Variants in PMS1 observed in about 807,000 individuals in gnomAD.
PMS1 encodes PMS1 protein homolog 1.
PMS1 carries 79 observed loss-of-function variants against 93.1 expected under a neutral mutation model. That is an observed-to-expected ratio of 0.85 (90% CI 0.71 to 1.02). PMS1 has a LOEUF of 1.02. Among genes scored for constraint, PMS1 ranks in the 50% least tolerant of loss-of-function variants. The pLI is 0.00. For synonymous variants in PMS1, 335 were observed against 363.4 expected (o/e 0.92, Z 0.89); for missense variants, 1,064 against 1,085.3 (o/e 0.98, Z 0.28).
intron 11 of PMS1, among the ~76,000 whole-genome samples, chr2:189,872,527 A>C (rs1197899500): frequency 6.6e-6 from 1 of 152,222 alleles, no homozygotes; most frequent in Non-Finnish European, 1.5e-5. Context: ...GCTATGTTCC[A>C]AAAATATGCA....
At chr2:189,868,655 A>G (rs1157896112) in intron 11 of PMS1, among the ~76,000 whole-genome samples, 4 of 152,196 alleles carry the variant, frequency 2.6e-5, no homozygotes, top group Non-Finnish European at 5.9e-5. Context: ...TGCCCAAAGT[A>G]TAGAAAAACA....
intron 3 of PMS1, among the ~76,000 whole-genome samples, chr2:189,805,004 A>C (rs1402337563): frequency 6.6e-6 from 1 of 152,162 alleles, no homozygotes; most frequent in Non-Finnish European, 1.5e-5. Context: ...AAGAGGGCAG[A>C]CACTTCAAAA....
chr2:189,806,836 T>TAA (rs1377127242), intron 4 of PMS1: 3 of 211,398 alleles, frequency 1.4e-5, no homozygotes, highest in African/African-American at 6.8e-5. Flanking sequence ...ATTAAAGCTA[T>TAA]TACCTCTTTA....
At chr2:189,797,684 G>A (rs1449694072) in intron 3 of PMS1, among the ~76,000 whole-genome samples, 1 of 152,070 alleles carries the variant, frequency 6.6e-6, no homozygotes, top group African/African-American at 2.4e-5. Context: ...CTTCATACTT[G>A]TTGTTCTGGA....
chr2:189,855,794 C>T, intron 9 of PMS1: 1 of 551,704 alleles, frequency 1.8e-6, no homozygotes, highest in Non-Finnish European at 2.7e-6. Flanking sequence ...ATAAATGTTC[C>T]AAAATAATAT....
chr2:189,829,256 A>G (rs895805833), intron 5 of PMS1, among the ~76,000 whole-genome samples: 13 of 152,176 alleles, frequency 8.5e-5, no homozygotes, highest in Non-Finnish European at 1.9e-4. Flanking sequence ...AAGATGTGAA[A>G]GTGTGTAAAC....
chr2:189,875,478 C>T (rs148864909), intron 12 of PMS1, among the ~76,000 whole-genome samples: 1 of 152,084 alleles, frequency 6.6e-6, no homozygotes. Context: ...AGTGGACCCA[C>T]ACAGTTAAAA....
chr2:189,822,630 T>G (rs1422329232), intron 5 of PMS1, among the ~76,000 whole-genome samples: 1 of 152,198 alleles, frequency 6.6e-6, no homozygotes, highest in African/African-American at 2.4e-5. Context: ...CATCCATTCC[T>G]GTGCTAAGAG....
chr2:189,849,914 T>G (rs1369519886), intron 6 of PMS1, among the ~76,000 whole-genome samples: 1 of 145,728 alleles, frequency 6.9e-6, no homozygotes, highest in African/African-American at 2.7e-5. Context: ...TGAGCCCCCT[T>G]TTTTAAATGG....
intron 2 of PMS1, among the ~76,000 whole-genome samples, chr2:189,794,207 G>A (rs989991166): frequency 1.3e-5 from 2 of 152,136 alleles, no homozygotes; most frequent in Admixed American, 1.3e-4. Context: ...CCGTCTCCCG[G>A]TCTCAAGCGA....
intron 9 of PMS1, 34 bp from the exon 10 acceptor site, chr2:189,863,709 G>A (rs778472757): frequency 4.8e-6 from 7 of 1,462,972 alleles, no homozygotes; most frequent in Middle Eastern, 3.5e-4. Context: ...TTCTGATTAT[G>A]ATCTCATTAG....
intron 5 of PMS1, among the ~76,000 whole-genome samples, chr2:189,836,246 G>A (rs1459806882): frequency 1.3e-5 from 2 of 152,144 alleles, no homozygotes; most frequent in African/African-American, 4.8e-5. Flanking sequence ...GTAGGAATTA[G>A]GGGCAAGATA....
In PMS1 at chr2:189,818,187, AT is replaced by A; in HGVS notation, c.582+9del. ...TGTCTTTGTACATAACAAGGTAAAC[AT>A]TATTTTATCTTTATAAGTTTCTGGG... is the stretch of plus-strand genomic sequence containing the variant. On this transcript the variant is annotated splice_region_variant and intron_variant, in intron 5 of 12. Coordinates refer to ENST00000441310, the MANE Select transcript of PMS1 (RefSeq NM_000534.5). 6.5e-7 allele frequency: 1 copy of A among 1,547,128 alleles called. No individual in the cohort carries two copies. The highest frequency in any genetic ancestry group is 1.1e-5 in the South Asian group (1 of 89,172).
rs1401203352 is a variant in PMS1, at chr2:189,867,782, CA to C, written c.2343-16del. 1 of 1,542,038 alleles carries C rather than the reference CA, an allele frequency of 6.5e-7. No individual in the cohort carries two copies. Among genetic ancestry groups the C allele is most frequent in the Admixed American group, 1.7e-5 (1 of 59,700 alleles). Reference sequence around the variant, plus strand: ...TTGTGTTTTTAATAAGTTAAAGGGCCATAATTTCTTTTTCAGTCTTTTTAAT... The same window carrying C: ...TTGTGTTTTTAATAAGTTAAAGGGCCTAATTTCTTTTTCAGTCTTTTTAAT... On this transcript the variant is annotated splice_polypyrimidine_tract_variant and intron_variant, in intron 10 of 12. Transcript: ENST00000441310.
In PMS1 at chr2:189,854,445, A is replaced by T; in HGVS notation, c.1173A>T (p.Gln391His). 6.2e-7 allele frequency: 1 copy of T among 1,610,656 alleles called. No homozygotes were observed. Among genetic ancestry groups the T allele is most frequent in the South Asian group, 1.1e-5 (1 of 90,776 alleles). Reference protein sequence around the residue: ...SNVDTSVIPFQNDMHNDESGK... With the variant: ...SNVDTSVIPFHNDMHNDESGK... Reference sequence around the variant, plus strand: ...TTGATACTTCAGTCATTCCATTCCAAAATGATATGCATAATGATGAATCTG... The same window carrying T: ...TTGATACTTCAGTCATTCCATTCCATAATGATATGCATAATGATGAATCTG... The change falls in exon 9 of 13, where the codon CAA becomes CAT. Residue 391 changes from glutamine (Q) to histidine (H), a missense_variant. By Grantham distance (24) the Gln-to-His change is conservative (BLOSUM62 0). Transcript: ENST00000441310.
At chr2:189,816,753 T>C (rs1169265844) in intron 4 of PMS1, among the ~76,000 whole-genome samples, 1 of 152,206 alleles carries the variant, frequency 6.6e-6, no homozygotes, top group Non-Finnish European at 1.5e-5. Flanking sequence ...CCATTTTCTT[T>C]GTGTTTTTGC....
rs556374794 is a variant in PMS1 at position 189,855,247 on chromosome 2, C to G, written c.1856+119C>G. 27 of 862,356 alleles carry G rather than the reference C, an allele frequency of 3.1e-5. No individual in the cohort carries two copies. In the African/African-American group the frequency reaches 4.0e-4, roughly 13 times the overall value. The allele number at this position is 862,356 out of a possible 1,614,324, so 53.4% of individuals were successfully genotyped here. A position where few individuals can be genotyped will look rare whatever the true frequency, so the allele number is the denominator to read the frequency against. ...TATGGAAAAGCAGATCAGAAAATACCTTTGGCTTGGATAGAGTACCTTTTT... is the reference window on the plus strand; with the variant it reads ...TATGGAAAAGCAGATCAGAAAATACGTTTGGCTTGGATAGAGTACCTTTTT... On this transcript the variant is annotated intron_variant, in intron 9 of 12. Coordinates refer to ENST00000441310, the MANE Select transcript of PMS1 (RefSeq NM_000534.5).
intron 3 of PMS1, among the ~76,000 whole-genome samples, chr2:189,805,182 AT>A (rs886184354): frequency 3.3e-5 from 5 of 151,664 alleles, no homozygotes; most frequent in Non-Finnish European, 4.4e-5. Context: ...ATATAATTTA[AT>A]TTTTTTTGGA....
intron 3 of PMS1, among the ~76,000 whole-genome samples, chr2:189,798,887 G>C (rs1316668967): frequency 6.6e-6 from 1 of 151,602 alleles, no homozygotes; most frequent in Non-Finnish European, 1.5e-5. Flanking sequence ...TAACCCTTCA[G>C]AGCTGAAATT....
Sources: allele counts gnomAD v4.1 joint callset (sites outside exome capture counted in the v4.1 genomes callset), GRCh38; gene constraint gnomAD v4.1.1; transcripts MANE v1.5; gene names NCBI Gene and HGNC (gene_info 2026-07-23, HGNC 2026-07-21).